Variants in CCDC186 observed in about 807,000 individuals in gnomAD.
The protein encoded by CCDC186 is coiled-coil domain-containing protein 186.
A neutral mutation model predicts 113.7 loss-of-function variants in CCDC186; 49 were observed. The observed-to-expected ratio is 0.43, with a 90% confidence interval of 0.34 to 0.55. The LOEUF (loss-of-function observed/expected upper bound fraction) is 0.55. CCDC186 is among the 20% of genes least tolerant of loss of function. The probability of loss-of-function intolerance (pLI) is 0.02; values close to 1 mark genes in which losing one functional copy is unlikely to be tolerated. For missense variants in CCDC186, 890 were observed against 1,011.1 expected (o/e 0.88, Z 1.62); for synonymous variants, 355 against 345.8 (o/e 1.03, Z -0.30).
rs1301237451 is a variant in CCDC186, at chr10:114,127,583, A to G, written c.2271T>C (p.Asp757=). ...CTATTCTCTCAATCAACATGGCCTT[A>G]TCTACTTGTGGAAAGTTATCCACAG... ...SVAVDNFPQV[D]KAMLIERIVR... Residue 757 remains aspartate, a synonymous_variant, in exon 14 of 16, where the codon GAT becomes GAC. Coordinates refer to ENST00000369287, the MANE Select transcript of CCDC186 (RefSeq NM_018017.4). 4.0e-5 allele frequency: 64 copies of G among 1,613,902 alleles called. No homozygotes were observed. Among genetic ancestry groups the G allele is most frequent in the Non-Finnish European group, 5.0e-5 (59 of 1,179,998 alleles).
Position 114,125,975 on chromosome 10 carries a change from T to C in CCDC186, c.2524A>G (p.Asn842Asp), listed in dbSNP as rs2030886439. The C allele has an allele frequency of 8.7e-6, 14 of 1,613,934 alleles. No individual in the cohort carries two copies. In the East Asian group the frequency reaches 2.9e-4, roughly 33 times the overall value. Residue 842 changes from asparagine (N) to aspartate (D), a missense_variant, in exon 15 of 16, where the codon AAT becomes GAT. Physicochemically the swap from Asn to Asp is conservative, Grantham distance 23. Transcript: ENST00000369287. ...ASLYTSHPADNGLTLELSLEI... is the reference protein window; with the variant it reads ...ASLYTSHPADDGLTLELSLEI... ...AAAGAGAGCTCCAATGTTAATCCAT[T>C]GTCAGCTGGATGGGATGTATATAAA...
At chr10:114,163,408 G>C in intron 1 of CCDC186, 79 bp from the exon 2 acceptor site, 1 of 1,146,128 alleles carries the variant, frequency 8.7e-7, no homozygotes, top group Admixed American at 2.8e-5. Context: ...CTGTGATGTG[G>C]AATAACTAAC....
At chr10:114,141,392 A>C (rs1018531296) in intron 6 of CCDC186, among the ~76,000 whole-genome samples, 6 of 152,200 alleles carry the variant, frequency 3.9e-5, no homozygotes, top group Admixed American at 3.9e-4. Context: ...AAATTATTTG[A>C]AGCTTGCTTT....
At chr10:114,126,316 T>C (rs1346365184) in intron 14 of CCDC186, among the ~76,000 whole-genome samples, 1 of 152,212 alleles carries the variant, frequency 6.6e-6, no homozygotes, top group Non-Finnish European at 1.5e-5. Flanking sequence ...CATATAAACA[T>C]TGCTTTTCTA....
At chr10:114,140,730 T>C (rs116149702) in intron 6 of CCDC186, among the ~76,000 whole-genome samples, 1,847 of 152,288 alleles carry the variant, frequency 0.012, 20 homozygotes, top group Middle Eastern at 0.031. Flanking sequence ...ATCCAATGTA[T>C]TTTTCAGTTC....
intron 13 of CCDC186, among the ~76,000 whole-genome samples, 173 bp downstream of exon 13, chr10:114,129,718 C>G (rs111345553): frequency 6.6e-6 from 1 of 151,852 alleles, no homozygotes; most frequent in Non-Finnish European, 1.5e-5. Context: ...TTAGTAGAGA[C>G]GGGGTTTCTC....
chr10:114,167,860 C>T (rs2032382723), intron 1 of CCDC186, among the ~76,000 whole-genome samples: 1 of 149,768 alleles, frequency 6.7e-6, no homozygotes, highest in Non-Finnish European at 1.5e-5. Flanking sequence ...GTGGCATGCA[C>T]CTGTAGTCCC....
At chr10:114,163,834 C>T (rs2032249226) in intron 1 of CCDC186, among the ~76,000 whole-genome samples, 1 of 152,020 alleles carries the variant, frequency 6.6e-6, no homozygotes, top group Admixed American at 6.5e-5. Context: ...ACCTAAATAA[C>T]AAGACACAAC....
chr10:114,157,220 C>G (rs1311745261), intron 3 of CCDC186, among the ~76,000 whole-genome samples: 1 of 139,984 alleles, frequency 7.1e-6, no homozygotes, highest in Non-Finnish European at 1.5e-5. Flanking sequence ...GTCTCACTCT[C>G]TCACCCAGGC....
intron 7 of CCDC186, 44 bp downstream of exon 7, chr10:114,137,142 T>C (rs766929706): frequency 2.1e-6 from 3 of 1,427,614 alleles, no homozygotes; most frequent in Admixed American, 1.7e-5. Context: ...AGAACTGATA[T>C]TTGCTAAAAT....
chr10:114,125,127 G>A lies in CCDC186; in HGVS notation c.*16C>T, dbSNP rs776471101. ...CCTGTGTGGCTTTTGTCTCTTTACTGAGCAAGAGGCTTGTTTTAGGTTTTC... is the reference window on the plus strand; with the variant it reads ...CCTGTGTGGCTTTTGTCTCTTTACTAAGCAAGAGGCTTGTTTTAGGTTTTC... On this transcript the variant is annotated 3_prime_UTR_variant, in exon 16 of 16. Coordinates refer to ENST00000369287, the MANE Select transcript of CCDC186 (RefSeq NM_018017.4). The A allele has an allele frequency of 2.2e-5, 35 of 1,583,692 alleles. No individual in the cohort carries two copies. The highest frequency in any genetic ancestry group is 1.7e-4 in the Middle Eastern group (1 of 6,002).
At position 114,126,052 on chromosome 10, in the gene CCDC186, G is replaced by A; in HGVS notation, c.2447C>T (p.Ala816Val). The A allele has an allele frequency of 6.2e-7, 1 of 1,613,964 alleles. No individual in the cohort carries two copies. Among genetic ancestry groups the A allele is most frequent in the South Asian group, 1.1e-5 (1 of 91,080 alleles). Residue 816 changes from alanine (A) to valine (V), a missense_variant, in exon 15 of 16, where the codon GCA becomes GTA. Coordinates refer to ENST00000369287, the MANE Select transcript of CCDC186 (RefSeq NM_018017.4). ...TAAATGAACTTTGTTAAAATCAGAT[G>A]CCTCTGAAGAAAGTGTGCCTGATTC... ...REESGTLSSE[A>V]SDFNKVHLSR...
rs546136377 is a variant in CCDC186, at chr10:114,128,261, T to G, written c.2183-590A>C. Among the ~76,000 whole-genome samples the G allele has an allele frequency of 1.1e-4, 16 of 152,314 alleles. No homozygotes were observed. The South Asian group carries it at 3.3e-3, about 32-fold the overall frequency. ...CATTATGTAGTGTTAGGTATTACTT[T>G]TACCAACATCAATGAGAAGAATCTG... On this transcript the variant is annotated intron_variant, in intron 13 of 15. Coordinates refer to ENST00000369287, the MANE Select transcript of CCDC186 (RefSeq NM_018017.4).
At position 114,131,332 on chromosome 10, in the gene CCDC186, C is replaced by T; in HGVS notation, c.1916G>A (p.Ser639Asn). 2 of 1,572,848 alleles carry T rather than the reference C, an allele frequency of 1.3e-6. No individual in the cohort carries two copies. The highest frequency in any genetic ancestry group is 1.7e-6 in the Non-Finnish European group (2 of 1,164,038). Residue 639 changes from serine (S) to asparagine (N), a missense_variant, in exon 12 of 16, where the codon AGT becomes AAT. By Grantham distance (46) the Ser-to-Asn change is conservative. Transcript: ENST00000369287. ...CAGTTCTTCCTCTTTCAACAACCTACTTTCCTGAATAGTAAGTAAAACAAA... is the reference window on the plus strand; with the variant it reads ...CAGTTCTTCCTCTTTCAACAACCTATTTTCCTGAATAGTAAGTAAAACAAA... ...QMKQTNINLESRLLKEEELRK... is the reference protein window; with the variant it reads ...QMKQTNINLENRLLKEEELRK...
intron 6 of CCDC186, among the ~76,000 whole-genome samples, chr10:114,139,433 CAT>C (rs1398879094): frequency 4.0e-5 from 6 of 151,850 alleles, no homozygotes; most frequent in Non-Finnish European, 5.9e-5. Context: ...TGTGGTGGTG[CAT>C]GCCTCTAATC....
chr10:114,152,105 CT>C (rs1160169094), intron 3 of CCDC186, among the ~76,000 whole-genome samples: 2 of 152,120 alleles, frequency 1.3e-5, no homozygotes, highest in Non-Finnish European at 2.9e-5. Flanking sequence ...CTTTGGAAAG[CT>C]GAGGAGAGGG....
chr10:114,159,897 C>T (rs763821139), intron 2 of CCDC186, among the ~76,000 whole-genome samples: 5 of 151,954 alleles, frequency 3.3e-5, no homozygotes, highest in Non-Finnish European at 5.9e-5. Context: ...AGGAGGTTGA[C>T]GCTGCAGTGA....
At chr10:114,145,871 G>A in intron 4 of CCDC186, 110 bp from the exon 5 acceptor site, 1 of 994,280 alleles carries the variant, frequency 1.0e-6, no homozygotes, top group Non-Finnish European at 1.4e-6. Flanking sequence ...TTTGGTTTTT[G>A]CACAACATTC....
Position 114,127,561 on chromosome 10 carries a change from T to G in CCDC186, c.2293A>C (p.Ile765Leu). 6.2e-7 allele frequency: 1 copy of G among 1,614,108 alleles called. No homozygotes were observed. The highest frequency in any genetic ancestry group is 8.5e-7 in the Non-Finnish European group (1 of 1,180,000). ...QVDKAMLIER[I>L]VRLQKAHARK... is the part of the protein sequence containing the mutation. ...GCATGTGCTTTTTGCAGCCTAACTA[T>G]TCTCTCAATCAACATGGCCTTATCT... Residue 765 changes from isoleucine to leucine, a missense_variant, in exon 14 of 16, where the codon ATA (isoleucine) becomes CTA (leucine). Transcript: ENST00000369287.
Sources: gnomAD v4.1 joint callset for allele counts (sites outside exome capture counted in the v4.1 genomes callset) on GRCh38, gnomAD v4.1.1 for gene constraint, MANE v1.5 for transcripts, NCBI Gene and HGNC (gene_info 2026-07-23, HGNC 2026-07-21) for gene names.